Variants in DGKQ observed in about 807,000 individuals in gnomAD.
The protein encoded by DGKQ is diacylglycerol kinase theta.
Under a neutral mutation model 104.2 loss-of-function variants are expected in DGKQ, and 97 were observed. That is an observed-to-expected ratio of 0.93 (90% confidence interval 0.79 to 1.10). The LOEUF (loss-of-function observed/expected upper bound fraction) is 1.10. Among genes scored for constraint, DGKQ ranks in the 50% least tolerant of loss-of-function variants. The pLI, the probability that DGKQ is intolerant of heterozygous loss-of-function variation, is 0.00. For missense variants in DGKQ, 1,465 were observed against 1,352.1 expected (o/e 1.08, Z -1.31); for synonymous variants, 736 against 595.2 (o/e 1.24, Z -3.44).
intron 1 of DGKQ, 114 bp downstream of exon 1, chr4:973,098 C>T (rs1043943307): frequency 7.7e-7 from 1 of 1,306,994 alleles, no homozygotes; most frequent in Non-Finnish European, 9.8e-7. Context: ...GCGAGCAGGG[C>T]TGGGACCCCG....
chr4:965,954 A>C lies in DGKQ; in HGVS notation c.1553T>G (p.Leu518Arg). 6.2e-7 allele frequency: 1 copy of C among 1,605,072 alleles called. No individual in the cohort carries two copies. Among genetic ancestry groups the C allele is most frequent in the Non-Finnish European group, 8.5e-7 (1 of 1,176,372 alleles). The change falls in exon 13 of 23, where the codon CTG becomes CGG. Residue 518 changes from leucine to arginine, a missense_variant. Physicochemically the swap from Leu to Arg is moderately radical, Grantham distance 102 (BLOSUM62 -2). Transcript: ENST00000273814. ...PGLSPEEYSSLLHEAGATKAT... is the reference protein window; with the variant it reads ...PGLSPEEYSSRLHEAGATKAT... ...TTTGGTAGCCCCGGCCTCATGCAGCAGGCTGCTGTACTCCTCGGGAGACAG... is the reference window on the plus strand; with the variant it reads ...TTTGGTAGCCCCGGCCTCATGCAGCCGGCTGCTGTACTCCTCGGGAGACAG...
rs762265306 is a variant in DGKQ, at chr4:962,628, G to C, written c.2036-15C>G. 5.0e-6 allele frequency: 8 copies of C among 1,605,136 alleles called. No homozygotes were observed. In the East Asian group the frequency reaches 1.8e-4, roughly 36 times the overall value. Reference sequence around the variant, plus strand: ...AAGGTCATTCCCTGGGACACAAGCAGACACAGAGCATCTGTCCACACCCAC... The same window carrying C: ...AAGGTCATTCCCTGGGACACAAGCACACACAGAGCATCTGTCCACACCCAC... On this transcript the variant is annotated splice_polypyrimidine_tract_variant and intron_variant, in intron 17 of 22. Transcript: ENST00000273814.
At position 966,005 on chromosome 4, in the gene DGKQ, A is replaced by T; in HGVS notation, c.1502T>A (p.Leu501Gln). ...GCCGGGAGGCAGGCCGCCAACAAAC[A>T]GGGAGACGTGCGGGGCTACATCCCT... ...ESRDVAPHVS[L>Q]FVGGLPPGLS... Residue 501 changes from leucine to glutamine, a missense_variant, in exon 13 of 23, where the codon CTG becomes CAG. Transcript: ENST00000273814. The T allele has an allele frequency of 6.2e-7, 1 of 1,606,040 alleles. No homozygotes were observed. The highest frequency in any genetic ancestry group is 8.5e-7 in the Non-Finnish European group (1 of 1,177,168).
chr4:967,407 G>A lies in DGKQ; in HGVS notation c.988-46C>T, dbSNP rs756937744. ...GGGGCCAAGTTGTGGGGGGTCAGGC[G>A]GGGTTCAGTGGGGGGCAGGTCATGG... On this transcript the variant is annotated intron_variant, in intron 8 of 22. Transcript: ENST00000273814. The A allele has an allele frequency of 3.1e-5, 42 of 1,341,892 alleles. No individual in the cohort carries two copies. In the East Asian group the frequency reaches 5.6e-4, roughly 18 times the overall value. 83.1% of individuals were successfully genotyped at this position (1,341,892 alleles called of 1,614,324 possible).
At position 965,082 on chromosome 4, in the gene DGKQ, G is replaced by A. The variant is rs796563215; in HGVS notation, c.1734+94C>T. The A allele has an allele frequency of 7.2e-5, 66 of 915,390 alleles. No homozygotes were observed. In the African/African-American group the frequency reaches 8.7e-4, roughly 12 times the overall value. The allele number at this position is 915,390 out of a possible 1,614,324, so 56.7% of individuals were successfully genotyped here. On this transcript the variant is annotated intron_variant, in intron 15 of 22. Transcript: ENST00000273814. ...GGAAGTGATGCCAGATGAAAACAGCGAGTCTGGCTGTGGGGCCTGTGCACC... is the reference window on the plus strand; with the variant it reads ...GGAAGTGATGCCAGATGAAAACAGCAAGTCTGGCTGTGGGGCCTGTGCACC...
At position 965,920 on chromosome 4, in the gene DGKQ, G is replaced by A. The variant is rs1438480653; in HGVS notation, c.1579+8C>T. The A allele has an allele frequency of 6.3e-7, 1 of 1,592,146 alleles. No homozygotes were observed. Among genetic ancestry groups the A allele is most frequent in the East Asian group, 2.3e-5 (1 of 44,274 alleles). On this transcript the variant is annotated splice_region_variant and intron_variant, in intron 13 of 22. Coordinates refer to ENST00000273814, the MANE Select transcript of DGKQ (RefSeq NM_001347.4). ...CCAGCAGCCCACGGCCAGCCACAGT[G>A]GTCACACCTTTGGTAGCCCCGGCCT...
intron 5 of DGKQ, 38 bp downstream of exon 5, chr4:968,244 C>CG: frequency 9.7e-7 from 1 of 1,034,078 alleles, no homozygotes; most frequent in Non-Finnish European, 1.4e-6. Flanking sequence ...CGCACCTCTC[C>CG]TGCCCCACCC....
At chr4:962,738 GA>G in intron 17 of DGKQ, 33 bp downstream of exon 17, 1 of 1,599,126 alleles carries the variant, frequency 6.3e-7, no homozygotes, top group Non-Finnish European at 8.5e-7. Context: ...GGTAGACCCT[GA>G]GGCCCCCTCC....
intron 1 of DGKQ, 70 bp downstream of exon 1, chr4:973,142 C>A: frequency 7.2e-7 from 1 of 1,391,208 alleles, no homozygotes. Context: ...GGTGCCACCT[C>A]CGCTCAGGCT....
At chr4:973,067 C>T (rs1713060960) in intron 1 of DGKQ, 145 bp downstream of exon 1, 1 of 1,268,882 alleles carries the variant, frequency 7.9e-7, no homozygotes, top group Non-Finnish European at 1.0e-6. Context: ...AGGCCCCGGC[C>T]GCCCCACGAA....
chr4:973,170 G>T, intron 1 of DGKQ, 42 bp downstream of exon 1: 2 of 1,493,706 alleles, frequency 1.3e-6, no homozygotes, highest in East Asian at 2.9e-5. Flanking sequence ...ACGGGGCAGA[G>T]GCAGGGCTGC....
chr4:973,363 C>G lies in DGKQ; in HGVS notation c.120G>C (p.Gly40=), dbSNP rs952321977. Residue 40 remains glycine (G), a synonymous_variant, in exon 1 of 23, where the codon GGG becomes GGC. Coordinates refer to ENST00000273814, the MANE Select transcript of DGKQ (RefSeq NM_001347.4). ...CCGCCCGCTCGGGTCCCGGCCCCGGCCCCGGCCCCGGGCGCGCGCGGCCTC... is the reference window on the plus strand; with the variant it reads ...CCGCCCGCTCGGGTCCCGGCCCCGGGCCCGGCCCCGGGCGCGCGCGGCCTC... ...GSGGRARPGP[G]PGPGPERAGV... 8.4e-7 allele frequency: 1 copy of G among 1,184,742 alleles called. No homozygotes were observed. Among genetic ancestry groups the G allele is most frequent in the African/African-American group, 1.6e-5 (1 of 61,336 alleles). The allele number at this position is 1,184,742 out of a possible 1,614,324, so 73.4% of individuals were successfully genotyped here. A position where few individuals can be genotyped will look rare whatever the true frequency, so the allele number is the denominator to read the frequency against.
Position 960,366 on chromosome 4 carries a change from A to C in DGKQ, c.*254T>G. 1.8e-6 allele frequency: 1 copy of C among 563,704 alleles called. No homozygotes were observed. The highest frequency in any genetic ancestry group is 2.1e-5 in the South Asian group (1 of 46,850). 34.9% of individuals were successfully genotyped at this position (563,704 alleles called of 1,614,324 possible). ...GCTCACCATCCAGAGCCCTGCGCCCACCCGGGACACGGGGTAACACTGCCA... is the reference window on the plus strand; with the variant it reads ...GCTCACCATCCAGAGCCCTGCGCCCCCCCGGGACACGGGGTAACACTGCCA... On this transcript the variant is annotated 3_prime_UTR_variant, in exon 23 of 23. Coordinates refer to ENST00000273814, the MANE Select transcript of DGKQ (RefSeq NM_001347.4).
Position 967,785 on chromosome 4 carries a change from C to T in DGKQ, c.829G>A (p.Ala277Thr), listed in dbSNP as rs1712533838. The T allele has an allele frequency of 6.2e-7, 1 of 1,604,094 alleles. No homozygotes were observed. The highest frequency in any genetic ancestry group is 8.5e-7 in the Non-Finnish European group (1 of 1,176,020). ...GGACCCACGGCAGCGCTCCCGTCGG[C>T]GCCGTCGCCCCCCTCGCCTGCGGGT... ...AAEPGEGGDG[A>T]DGSAAVGPGR... Residue 277 changes from alanine (A) to threonine (T), a missense_variant, in exon 7 of 23, where the codon GCC (alanine) becomes ACC (threonine). Ala to Thr is a moderately conservative substitution (Grantham distance 58). Coordinates refer to ENST00000273814, the MANE Select transcript of DGKQ (RefSeq NM_001347.4).
rs1257668449 is a variant in DGKQ, at chr4:960,603, G to A, written c.*17C>T. On this transcript the variant is annotated 3_prime_UTR_variant, in exon 23 of 23. Coordinates refer to ENST00000273814, the MANE Select transcript of DGKQ (RefSeq NM_001347.4). Reference sequence around the variant, plus strand: ...GGAGCAGAGATGGCTCGAGCCCTTGGGCTGCCCCAGCCACCCCTACCTAGG... The same window carrying A: ...GGAGCAGAGATGGCTCGAGCCCTTGAGCTGCCCCAGCCACCCCTACCTAGG... 2 of 1,605,612 alleles carry A rather than the reference G, an allele frequency of 1.2e-6. No individual in the cohort carries two copies. The highest frequency in any genetic ancestry group is 1.3e-5 in the African/African-American group (1 of 74,848).
In DGKQ at chr4:967,994, C is replaced by G; in HGVS notation, c.697G>C (p.Glu233Gln). 1 of 1,463,692 alleles carries G rather than the reference C, an allele frequency of 6.8e-7. No individual in the cohort carries two copies. The highest frequency in any genetic ancestry group is 9.0e-7 in the Non-Finnish European group (1 of 1,116,850). The allele number at this position is 1,463,692 out of a possible 1,614,324, so 90.7% of individuals were successfully genotyped here. A position where few individuals can be genotyped will look rare whatever the true frequency, so the allele number is the denominator to read the frequency against. ...GAGCGCAGACGCCCGAAGCCACACT[C>G]GGGAGCCAGCGCCGCGGAGCAGAGG... ...HSLCSAALAP[E>Q]CGFGRLRSLV... is the part of the protein sequence containing the mutation. Residue 233 changes from glutamate (E) to glutamine (Q), a missense_variant, in exon 6 of 23, where the codon GAG becomes CAG. Coordinates refer to ENST00000273814, the MANE Select transcript of DGKQ (RefSeq NM_001347.4).
In DGKQ at chr4:967,168, C is replaced by A. The variant is rs765475027; in HGVS notation, c.1181G>T (p.Arg394Leu). 1 of 1,598,776 alleles carries A rather than the reference C, an allele frequency of 6.3e-7. No individual in the cohort carries two copies. Among genetic ancestry groups the A allele is most frequent in the Non-Finnish European group, 8.5e-7 (1 of 1,173,386 alleles). The change falls in exon 9 of 23, where the codon CGG (arginine) becomes CTG (leucine). Residue 394 changes from arginine to leucine, a missense_variant. Transcript: ENST00000273814. Reference sequence around the variant, plus strand: ...GTAGATCTTCAGGACCTCCTGGGCCCGCGGCAGAGCCCGGATGACCCAGGC... The same window carrying A: ...GTAGATCTTCAGGACCTCCTGGGCCAGCGGCAGAGCCCGGATGACCCAGGC... ...PEAWVIRALP[R>L]AQEVLKIYPG...
chr4:962,186 C>A, intron 18 of DGKQ, 104 bp from the exon 19 acceptor site: 1 of 1,104,566 alleles, frequency 9.1e-7, no homozygotes, highest in South Asian at 1.3e-5. Context: ...AAGGACCACC[C>A]TGGCACCAAG....
intron 12 of DGKQ, 83 bp from the exon 13 acceptor site, chr4:966,161 G>A: frequency 1.5e-6 from 2 of 1,352,700 alleles, no homozygotes; most frequent in Non-Finnish European, 2.0e-6. Context: ...CCGCAAAACA[G>A]CAAAACAGGG....
Sources: allele counts gnomAD v4.1 joint callset, GRCh38; gene constraint gnomAD v4.1.1; transcripts MANE v1.5; gene names NCBI Gene and HGNC (gene_info 2026-07-23, HGNC 2026-07-21).